DNMT3A: variants seen among roughly 807,000 people sequenced by gnomAD.
The protein encoded by DNMT3A is DNA (cytosine-5)-methyltransferase 3A.
Under a neutral mutation model 117.6 loss-of-function variants are expected in DNMT3A, and 267 were observed. The ratio of observed to expected loss-of-function variants is 2.27; its 90% confidence interval spans 2.05 to 2.51. The LOEUF (loss-of-function observed/expected upper bound fraction) is 2.51, where lower values mean the gene tolerates loss of function less well. Among genes scored for constraint, DNMT3A ranks in the 30% most tolerant of loss-of-function variants. The pLI is 0.00. For missense variants in DNMT3A, 1,029 were observed against 1,260.2 expected, an observed-to-expected ratio of 0.82 and a Z score of 2.78; for synonymous variants, 432 against 474.8, an observed-to-expected ratio of 0.91 and a Z score of 1.17.
At chr2:25,291,444 G>A (rs897118677) in intron 3 of DNMT3A, among the ~76,000 whole-genome samples, 1 of 152,264 alleles carries the variant, frequency 6.6e-6, no homozygotes, top group African/African-American at 2.4e-5. Context: ...GGGGCCAGGG[G>A]GTCCCCAGAT....
chr2:25,246,793 C>T lies in DNMT3A; in HGVS notation c.1123-17G>A. On this transcript the variant is annotated splice_polypyrimidine_tract_variant and intron_variant, in intron 9 of 22. Transcript: ENST00000321117. ...GCTGGCCACCTGGAGGGTGACACGC[C>T]AGGGTTGGGGTTGTCAGGACAGGCT... The T allele has an allele frequency of 6.2e-7, 1 of 1,611,462 alleles. No individual in the cohort carries two copies. Among genetic ancestry groups the T allele is most frequent in the Non-Finnish European group, 8.5e-7 (1 of 1,179,504 alleles).
intron 16 of DNMT3A, 97 bp downstream of exon 16, chr2:25,243,801 A>T: frequency 1.6e-6 from 2 of 1,281,004 alleles, no homozygotes; most frequent in Non-Finnish European, 2.2e-6. Flanking sequence ...ACAGCTGTGA[A>T]GCTAACCATC....
rs936865388 is a variant in DNMT3A, at chr2:25,286,323, C to T, written c.178-3612G>A. The stretch of plus-strand genomic sequence containing the variant: ...CCCCAGTCTGCAACAGCACCAGATG[C>T]GCCATTCTCCCAGAGATGCCCCCAA... On this transcript the variant is annotated intron_variant, in intron 3 of 22. Transcript: ENST00000321117. The surrounding 1 kb of genome is among the most constrained non-coding windows in gnomAD (Gnocchi z 4.3). Among the ~76,000 whole-genome samples, 77 of 152,240 alleles carry T rather than the reference C, an allele frequency of 5.1e-4. No homozygotes were observed. Among genetic ancestry groups the T allele is most frequent in the Non-Finnish European group, 1.0e-4 (7 of 68,046 alleles).
intron 2 of DNMT3A, among the ~76,000 whole-genome samples, chr2:25,312,846 G>A (rs2034193613): frequency 6.6e-6 from 1 of 152,158 alleles, no homozygotes; most frequent in Non-Finnish European, 1.5e-5. Flanking sequence ...AGTGCCCAGG[G>A]CCCCCAAAGC....
chr2:25,322,079 GA>G (rs1324460561), intron 1 of DNMT3A, among the ~76,000 whole-genome samples: 1 of 152,204 alleles, frequency 6.6e-6, no homozygotes, highest in African/African-American at 2.4e-5. Flanking sequence ...ATTGCTGGAA[GA>G]AACAGCCAAG....
chr2:25,244,454 G>T (rs1230578697), intron 14 of DNMT3A, 86 bp downstream of exon 14: 14 of 1,580,754 alleles, frequency 8.9e-6, no homozygotes, highest in African/African-American at 1.3e-5. Flanking sequence ...TGGAGGGTCT[G>T]TGGGGAAGGG....
chr2:25,328,527 G>A (rs1352243537), intron 1 of DNMT3A: 1 of 424,804 alleles, frequency 2.4e-6, no homozygotes, highest in East Asian at 7.2e-5. Context: ...ATATAGATGT[G>A]TCTGATTTCT....
Position 25,237,149 on chromosome 2 carries a change from ACT to A in DNMT3A, c.2409-146_2409-145del. The A allele has an allele frequency of 1.4e-6, 1 of 711,414 alleles. No homozygotes were observed. Among genetic ancestry groups the A allele is most frequent in the Middle Eastern group, 3.4e-4 (1 of 2,970 alleles). The allele number at this position is 711,414 out of a possible 1,614,324, so 44.1% of individuals were successfully genotyped here. On this transcript the variant is annotated intron_variant, in intron 20 of 22. Coordinates refer to ENST00000321117, the MANE Select transcript of DNMT3A (RefSeq NM_022552.5). The surrounding 1 kb of genome is among the most constrained non-coding windows in gnomAD (Gnocchi z 5.4). ...CCCCAAATCACGCACACACGTCATA[ACT>A]CTCTTCAAACTCCCCGCAAACACAC...
intron 1 of DNMT3A, among the ~76,000 whole-genome samples, chr2:25,320,702 A>C (rs1189430569): frequency 6.6e-6 from 1 of 152,246 alleles, no homozygotes; most frequent in Non-Finnish European, 1.5e-5. Context: ...GCTGTGAATA[A>C]TAGTTTTATC....
intron 16 of DNMT3A, 170 bp from the exon 17 acceptor site, chr2:25,241,877 T>C (rs182749596): frequency 2.1e-5 from 17 of 822,350 alleles, no homozygotes; most frequent in South Asian, 1.8e-4. Context: ...GGAGTATCCA[T>C]AGTAAGGACA....
At chr2:25,336,018 C>T (rs2035203175) in intron 1 of DNMT3A, among the ~76,000 whole-genome samples, 1 of 152,136 alleles carries the variant, frequency 6.6e-6, no homozygotes, top group African/African-American at 2.4e-5. Flanking sequence ...GCGTCTGCAC[C>T]TCCCTTACCC....
intron 1 of DNMT3A, among the ~76,000 whole-genome samples, chr2:25,341,024 C>G (rs2035408301): frequency 6.8e-6 from 1 of 146,364 alleles, no homozygotes; most frequent in Non-Finnish European, 1.5e-5. Flanking sequence ...AGGTGTGCCC[C>G]CAAGGCGGGC....
At position 25,235,752 on chromosome 2, in the gene DNMT3A, AAG is replaced by A. The variant is rs779108270; in HGVS notation, c.2550_2551del (p.Phe851HisfsTer3). ...TAAGATGTCCTCTTTCTCATTCATG[AAG>A]ACAGGAAAATGCTGGTCTTTGCCCT... On this transcript the variant is annotated frameshift_variant, in exon 22 of 23. Coordinates refer to ENST00000321117, the MANE Select transcript of DNMT3A (RefSeq NM_022552.5). LOFTEE classifies it high-confidence loss of function. 1 of 1,614,162 alleles carries A rather than the reference AAG, an allele frequency of 6.2e-7. No individual in the cohort carries two copies. The highest frequency in any genetic ancestry group is 8.5e-7 in the Non-Finnish European group (1 of 1,180,012).
chr2:25,286,737 G>A lies in DNMT3A; in HGVS notation c.178-4026C>T, dbSNP rs972229851. 3.3e-5 allele frequency among the ~76,000 whole-genome samples: 5 copies of A among 152,226 alleles called. No individual in the cohort carries two copies. The highest frequency in any genetic ancestry group is 4.8e-5 in the African/African-American group (2 of 41,460). On this transcript the variant is annotated intron_variant, in intron 3 of 22. Coordinates refer to ENST00000321117, the MANE Select transcript of DNMT3A (RefSeq NM_022552.5). The surrounding 1 kb of genome is among the most constrained non-coding windows in gnomAD (Gnocchi z 4.3). ...TGAAGCAACTGTCCAAGTCTCTGGG[G>A]AAGAGCTGGGTGCTCACTGAAGGAG...
chr2:25,289,584 G>A (rs1411730123), intron 3 of DNMT3A, among the ~76,000 whole-genome samples: 4 of 152,188 alleles, frequency 2.6e-5, no homozygotes, highest in Non-Finnish European at 5.9e-5. Flanking sequence ...AAAGCTTCCA[G>A]GATGGCTCAG....
intron 4 of DNMT3A, among the ~76,000 whole-genome samples, chr2:25,277,569 C>T (rs1212828494): frequency 6.6e-6 from 1 of 152,208 alleles, no homozygotes; most frequent in Admixed American, 6.5e-5. Flanking sequence ...CGGACCTGGA[C>T]TTGGGGCTTC....
chr2:25,247,203 A>C lies in DNMT3A; in HGVS notation c.1015-45T>G, dbSNP rs1020433349. On this transcript the variant is annotated intron_variant, in intron 8 of 22. Coordinates refer to ENST00000321117, the MANE Select transcript of DNMT3A (RefSeq NM_022552.5). The surrounding 1 kb of genome is among the most constrained non-coding windows in gnomAD (Gnocchi z 5.6). ...CTTGTTTGCCGAGGCTTACACTTGC[A>C]AGCACCCACCCCATGCCTTGCAACT... The C allele has an allele frequency of 1.6e-5, 25 of 1,591,220 alleles. No individual in the cohort carries two copies. Among genetic ancestry groups the C allele is most frequent in the Non-Finnish European group, 2.0e-5 (23 of 1,164,462 alleles).
chr2:25,323,100 C>A (rs1001960336), intron 1 of DNMT3A, among the ~76,000 whole-genome samples: 17 of 152,064 alleles, frequency 1.1e-4, no homozygotes, highest in African/African-American at 3.6e-4. Context: ...TCACCCCAGG[C>A]AAGTGGTGAG....
intron 3 of DNMT3A, among the ~76,000 whole-genome samples, chr2:25,297,995 G>A (rs762961076): frequency 9.2e-5 from 14 of 152,230 alleles, no homozygotes; most frequent in East Asian, 1.9e-4. Flanking sequence ...TACGGTTGCC[G>A]TGGCCTCCTG....
Sources: allele counts gnomAD v4.1 joint callset (sites outside exome capture counted in the v4.1 genomes callset), GRCh38; gene constraint gnomAD v4.1.1; non-coding constraint Gnocchi (gnomAD v3.1); transcripts MANE v1.5; gene names NCBI Gene and HGNC (gene_info 2026-07-23, HGNC 2026-07-21).